Variants in HMG20A observed in about 807,000 individuals in gnomAD.
HMG20A encodes high mobility group protein 20A.
In HMG20A, 17 loss-of-function variants were observed where a neutral mutation model predicts 43.9. The observed-to-expected ratio is 0.39, with a 90% CI of 0.27 to 0.58. The LOEUF is 0.58. HMG20A is among the 20% of genes least tolerant of loss of function. The pLI is 0.59. For synonymous variants in HMG20A, 132 were observed against 147.5 expected (o/e 0.89, Z 0.76); for missense variants, 341 against 438.2 (o/e 0.78, Z 1.98).
At chr15:77,477,027 G>T (rs2072862848) in intron 6 of HMG20A, among the ~76,000 whole-genome samples, 1 of 151,992 alleles carries the variant, frequency 6.6e-6, no homozygotes, top group Admixed American at 6.6e-5. Context: ...CCAAAGATAG[G>T]CTGCCTCTCT....
chr15:77,435,220 G>A (rs759683488), intron 1 of HMG20A, among the ~76,000 whole-genome samples: 1 of 152,110 alleles, frequency 6.6e-6, no homozygotes, highest in African/African-American at 2.4e-5. Context: ...TTCTGATAAG[G>A]CTACAGGTGA....
At chr15:77,517,967 G>C in the HMG20A span, among the ~76,000 whole-genome samples, 2 of 151,966 alleles carry the variant, frequency 1.3e-5, no homozygotes, top group African/African-American at 4.8e-5. Flanking sequence ...ATGAAATATT[G>C]AATGTCGGAT....
Position 77,429,745 on chromosome 15 carries a change from T to G in HMG20A, c.-5+8741T>G, listed in dbSNP as rs117192382. 1.7e-3 allele frequency among the ~76,000 whole-genome samples: 257 copies of G among 152,314 alleles called. 6 individuals carry two copies. In the East Asian group the frequency reaches 0.043, roughly 26 times the overall value. On this transcript the variant is annotated intron_variant, in intron 1 of 9. Transcript: ENST00000336216. ...TAATGCCTAAGCAAATTATTGCCTA[T>G]CTACTCAGTGGGCTGTAAGACATTC...
chr15:77,506,664 T>G, the HMG20A span, among the ~76,000 whole-genome samples: 1 of 152,210 alleles, frequency 6.6e-6, no homozygotes, highest in Admixed American at 6.5e-5. Context: ...CCTCTGAGAC[T>G]CCTGCCTGCC....
chr15:77,475,099 A>G (rs758147580), intron 6 of HMG20A, among the ~76,000 whole-genome samples: 7 of 152,184 alleles, frequency 4.6e-5, no homozygotes, highest in Non-Finnish European at 7.3e-5. Context: ...ACTCAGCTTG[A>G]ACAAATTAGA....
chr15:77,435,850 C>A (rs1332875834), intron 1 of HMG20A, among the ~76,000 whole-genome samples: 1 of 151,744 alleles, frequency 6.6e-6, no homozygotes, highest in Non-Finnish European at 1.5e-5. Context: ...AGTCTGACAC[C>A]ACGCATTCCT....
chr15:77,461,803 T>A (rs1418979094), intron 2 of HMG20A, among the ~76,000 whole-genome samples: 1 of 152,188 alleles, frequency 6.6e-6, no homozygotes, highest in East Asian at 1.9e-4. Flanking sequence ...CAAGAATTAG[T>A]AACTTAAAAA....
At chr15:77,424,365 C>T (rs1431900261) in intron 1 of HMG20A, among the ~76,000 whole-genome samples, 2 of 152,050 alleles carry the variant, frequency 1.3e-5, no homozygotes, top group Non-Finnish European at 2.9e-5. Flanking sequence ...TCAGATAGGC[C>T]CAAATTCAGC....
chr15:77,451,570 A>G (rs1214591387), intron 1 of HMG20A, among the ~76,000 whole-genome samples: 1 of 152,188 alleles, frequency 6.6e-6, no homozygotes, highest in Non-Finnish European at 1.5e-5. Flanking sequence ...AAAATACAGT[A>G]TTCGAGAGAC....
At chr15:77,469,016 A>G (rs117379796) in intron 4 of HMG20A, among the ~76,000 whole-genome samples, 96 of 151,602 alleles carry the variant, frequency 6.3e-4, no homozygotes, top group Non-Finnish European at 1.1e-3. Flanking sequence ...CTTTAACAGA[A>G]CATTGCTCAT....
chr15:77,493,206 A>C, the HMG20A span, among the ~76,000 whole-genome samples: 1 of 152,192 alleles, frequency 6.6e-6, no homozygotes, highest in Non-Finnish European at 1.5e-5. Flanking sequence ...ATGCAGGAAA[A>C]GAGTAGTAGT....
chr15:77,496,411 C>T, the HMG20A span, among the ~76,000 whole-genome samples: 305 of 152,292 alleles, frequency 2.0e-3, no homozygotes, highest in African/African-American at 7.1e-3. Context: ...CAACCAGGCC[C>T]CTGGGTTGGC....
chr15:77,474,855 C>T (rs1218590088), intron 6 of HMG20A, among the ~76,000 whole-genome samples: 1 of 152,138 alleles, frequency 6.6e-6, no homozygotes, highest in East Asian at 1.9e-4. Context: ...GAGCCTAGAT[C>T]ACAGCAAAAT....
chr15:77,422,609 G>A (rs903425845), intron 1 of HMG20A, among the ~76,000 whole-genome samples: 5 of 152,106 alleles, frequency 3.3e-5, no homozygotes, highest in African/African-American at 1.2e-4. Context: ...GTGAGACTCC[G>A]TCTCAAAAAT....
the HMG20A span, among the ~76,000 whole-genome samples, chr15:77,519,584 C>A: frequency 6.6e-6 from 1 of 152,206 alleles, no homozygotes; most frequent in African/African-American, 2.4e-5. Flanking sequence ...CCTCTTCTGC[C>A]ACATAAGAAC....
the HMG20A span, among the ~76,000 whole-genome samples, chr15:77,494,961 A>C: frequency 6.6e-6 from 1 of 152,220 alleles, no homozygotes; most frequent in Non-Finnish European, 1.5e-5. Context: ...AAGATATATC[A>C]TAATGAGCTC....
At chr15:77,496,239 T>G in the HMG20A span, among the ~76,000 whole-genome samples, 1 of 152,256 alleles carries the variant, frequency 6.6e-6, no homozygotes, top group African/African-American at 2.4e-5. Flanking sequence ...CTAGGTGATG[T>G]TAACATTCTG....
intron 6 of HMG20A, among the ~76,000 whole-genome samples, chr15:77,476,654 CA>C (rs1180401040): frequency 6.6e-6 from 1 of 152,084 alleles, no homozygotes; most frequent in Non-Finnish European, 1.5e-5. Flanking sequence ...GCAGTTTCTT[CA>C]TTTCTCACTT....
the HMG20A span, among the ~76,000 whole-genome samples, chr15:77,504,962 G>T: frequency 1.3e-5 from 2 of 152,180 alleles, no homozygotes; most frequent in African/African-American, 4.8e-5. Flanking sequence ...CGTCCTTGGG[G>T]GTGCCTGGCA....
Sources: allele counts gnomAD v4.1 joint callset (sites outside exome capture counted in the v4.1 genomes callset), GRCh38; gene constraint gnomAD v4.1.1; transcripts MANE v1.5; gene names NCBI Gene and HGNC (gene_info 2026-07-23, HGNC 2026-07-21).